The following CDH17 variants were observed in gnomAD, a reference collection of about 807,000 sequenced individuals.
CDH17 encodes the protein cadherin-17.
A neutral mutation model predicts 86.3 loss-of-function variants in CDH17; 67 were observed. That is an observed-to-expected ratio of 0.78 (90% CI 0.64 to 0.95). The LOEUF (loss-of-function observed/expected upper bound fraction) is 0.95. CDH17 is among the 40% of genes least tolerant of loss of function. The pLI, the probability that CDH17 is intolerant of heterozygous loss-of-function variation, is 0.00. For synonymous variants in CDH17, 367 were observed against 366.4 expected (o/e 1.00, Z -0.02); for missense variants, 993 against 1,017.6 (o/e 0.98, Z 0.33).
chr8:94,191,932 G>A (rs1167350106), intron 2 of CDH17, among the ~76,000 whole-genome samples: 1 of 152,206 alleles, frequency 6.6e-6, no homozygotes, highest in Non-Finnish European at 1.5e-5. Flanking sequence ...CAGGACAGAT[G>A]TCCAGGTACC....
chr8:94,155,485 C>T (rs924510558), intron 12 of CDH17, among the ~76,000 whole-genome samples: 2 of 152,152 alleles, frequency 1.3e-5, no homozygotes, highest in African/African-American at 4.8e-5. Context: ...TATGCTCAGA[C>T]AGAGCACATG....
intron 1 of CDH17, among the ~76,000 whole-genome samples, chr8:94,198,052 T>C (rs558586465): frequency 1.3e-5 from 2 of 152,152 alleles, no homozygotes; most frequent in African/African-American, 4.8e-5. Flanking sequence ...CTCTTGCTAC[T>C]GTGCTTTATA....
chr8:94,179,316 T>C (rs1813433100), intron 3 of CDH17, among the ~76,000 whole-genome samples: 1 of 152,222 alleles, frequency 6.6e-6, no homozygotes. Context: ...ATTTTTCCCC[T>C]GGGGCATTTG....
chr8:94,151,229 ATTTC>A (rs1375228120), intron 13 of CDH17, among the ~76,000 whole-genome samples: 1 of 151,618 alleles, frequency 6.6e-6, no homozygotes, highest in African/African-American at 2.4e-5. Context: ...ACAAACATAT[ATTTC>A]TTAAGTTAAT....
chr8:94,199,112 G>A (rs1039060819), intron 1 of CDH17, among the ~76,000 whole-genome samples: 4 of 133,902 alleles, frequency 3.0e-5, no homozygotes, highest in Admixed American at 8.1e-5. Context: ...TTGTCTGTTA[G>A]CATTACTGCC....
At chr8:94,140,239 T>C (rs747660274) in intron 15 of CDH17, among the ~76,000 whole-genome samples, 17 of 152,034 alleles carry the variant, frequency 1.1e-4, no homozygotes, top group Non-Finnish European at 1.9e-4. Flanking sequence ...CAGAGCAACA[T>C]AGTGTGACCC....
intron 15 of CDH17, among the ~76,000 whole-genome samples, chr8:94,145,204 A>C (rs1229294125): frequency 2.0e-5 from 3 of 152,198 alleles, no homozygotes; most frequent in Admixed American, 6.5e-5. Flanking sequence ...TTTGTTCACA[A>C]ATCCTCACAG....
intron 3 of CDH17, among the ~76,000 whole-genome samples, chr8:94,182,185 A>C (rs1178831386): frequency 6.6e-6 from 1 of 152,140 alleles, no homozygotes; most frequent in African/African-American, 2.4e-5. Flanking sequence ...TCACTAGTGA[A>C]TTGTACCTAA....
intron 2 of CDH17, among the ~76,000 whole-genome samples, chr8:94,191,016 TC>T: frequency 6.6e-6 from 1 of 152,242 alleles, no homozygotes; most frequent in Non-Finnish European, 1.5e-5. Context: ...CTTTTCTTCC[TC>T]CCACCACAGA....
intron 15 of CDH17, among the ~76,000 whole-genome samples, chr8:94,138,943 A>C (rs888690736): frequency 6.6e-6 from 1 of 152,258 alleles, no homozygotes; most frequent in African/African-American, 2.4e-5. Context: ...CAAAATATTC[A>C]GCATCTAAAT....
At chr8:94,143,563 G>T (rs2130587212) in intron 15 of CDH17, among the ~76,000 whole-genome samples, 1 of 152,314 alleles carries the variant, frequency 6.6e-6, no homozygotes, top group Middle Eastern at 3.4e-3. Context: ...GTCTAAGATG[G>T]CATTGTCTCC....
At chr8:94,145,445 T>G (rs539011899) in intron 15 of CDH17, among the ~76,000 whole-genome samples, 2 of 152,268 alleles carry the variant, frequency 1.3e-5, no homozygotes, top group East Asian at 3.9e-4. Flanking sequence ...GGAAAGCACT[T>G]CAATGGTTGC....
chr8:94,147,302 GC>G, intron 14 of CDH17, among the ~76,000 whole-genome samples: 1 of 152,254 alleles, frequency 6.6e-6, no homozygotes, highest in Admixed American at 6.5e-5. Flanking sequence ...GAAGCAGAGG[GC>G]CTGTCCATTC....
At chr8:94,172,045 T>C (rs993427943) in intron 7 of CDH17, among the ~76,000 whole-genome samples, 3 of 127,912 alleles carry the variant, frequency 2.3e-5, no homozygotes, top group Non-Finnish European at 1.6e-5. Context: ...CCTCTCCCCC[T>C]CTCTCTTTCT....
intron 13 of CDH17, among the ~76,000 whole-genome samples, chr8:94,150,227 G>C (rs1255588988): frequency 6.6e-6 from 1 of 152,140 alleles, no homozygotes; most frequent in Non-Finnish European, 1.5e-5. Context: ...TTTTGAAAGA[G>C]GAGTCAGATG....
chr8:94,158,975 T>C (rs1039920460), intron 12 of CDH17, among the ~76,000 whole-genome samples: 3 of 152,216 alleles, frequency 2.0e-5, no homozygotes, highest in African/African-American at 4.8e-5. Context: ...TCCAGCACAC[T>C]GCACTGCAAA....
intron 5 of CDH17, among the ~76,000 whole-genome samples, chr8:94,174,679 T>C (rs1397435953): frequency 2.0e-5 from 3 of 152,218 alleles, no homozygotes; most frequent in Non-Finnish European, 2.9e-5. Context: ...GAAAATACTA[T>C]TAAAATATTC....
rs552563235 is a variant in CDH17, at chr8:94,153,375, G to A, written c.1552-1263C>T. Among the ~76,000 whole-genome samples the A allele has an allele frequency of 6.1e-4, 93 of 152,300 alleles. 1 individual carries two copies. Among genetic ancestry groups the A allele is most frequent in the African/African-American group, 2.2e-3 (91 of 41,574 alleles). ...AAAGACAAAAAACAAACATTGGTGAGGATGTGGAGAAAAGGGAACCCTGTA... is the reference window on the plus strand; with the variant it reads ...AAAGACAAAAAACAAACATTGGTGAAGATGTGGAGAAAAGGGAACCCTGTA... On this transcript the variant is annotated intron_variant, in intron 12 of 17. Transcript: ENST00000027335.
intron 14 of CDH17, among the ~76,000 whole-genome samples, chr8:94,148,032 CAATTTAAGGCTGAAGGAG>C (rs1812779432): frequency 1.3e-5 from 2 of 152,148 alleles, no homozygotes; most frequent in Admixed American, 6.5e-5. Context: ...ATGAGAGTTA[CAATTTAAGGCTGAAGGAG>C]CAAGTGGTGG....
Sources: gnomAD v4.1 joint callset for allele counts (sites outside exome capture counted in the v4.1 genomes callset) on GRCh38, gnomAD v4.1.1 for gene constraint, MANE v1.5 for transcripts, NCBI Gene and HGNC (gene_info 2026-07-23, HGNC 2026-07-21) for gene names.